WDR12: variants seen among roughly 807,000 people sequenced by gnomAD.
The protein encoded by WDR12 is ribosome biogenesis protein WDR12.
Under a neutral mutation model 64.3 loss-of-function variants are expected in WDR12, and 42 were observed. That is an observed-to-expected ratio of 0.65 (90% CI 0.51 to 0.84). WDR12 has a LOEUF of 0.84. WDR12 is among the 40% of genes least tolerant of loss of function. WDR12 has a pLI of 0.00. For missense variants in WDR12, 469 were observed against 494.6 expected (o/e 0.95, Z 0.49); for synonymous variants, 158 against 173.3 (o/e 0.91, Z 0.70).
At chr2:202,882,567 A>G in intron 12 of WDR12, 144 bp downstream of exon 12, 1 of 679,146 alleles carries the variant, frequency 1.5e-6, no homozygotes, top group Non-Finnish European at 2.5e-6. Flanking sequence ...TGACCTCGTG[A>G]TCTGCCCACC....
At chr2:202,910,172 C>G (rs1320821012) in intron 1 of WDR12, among the ~76,000 whole-genome samples, 1 of 152,136 alleles carries the variant, frequency 6.6e-6, no homozygotes, top group Non-Finnish European at 1.5e-5. Context: ...TGTATCCATT[C>G]ATTTCAGGGG....
In WDR12 at chr2:202,874,575, A is replaced by G. The variant is rs1248021610; in HGVS notation, c.*6285T>C. ...ACTAAAAATTATTCTACTGTTTTGT[A>G]CTGTTTTACTAAGGATTAGAGGTCT... On this transcript the variant is annotated 3_prime_UTR_variant, in exon 13 of 13. Transcript: ENST00000261015. 6.6e-6 allele frequency among the ~76,000 whole-genome samples: 1 copy of G among 152,222 alleles called. No homozygotes were observed. Among genetic ancestry groups the G allele is most frequent in the South Asian group, 2.1e-4 (1 of 4,828 alleles).
At chr2:202,898,945 A>T (rs1179932826) in intron 4 of WDR12, among the ~76,000 whole-genome samples, 4 of 125,028 alleles carry the variant, frequency 3.2e-5, no homozygotes, top group African/African-American at 7.2e-5. Flanking sequence ...GACCCCGTTT[A>T]AAAAAAAAAA....
chr2:202,908,014 T>C (rs753096032), intron 1 of WDR12, 55 bp from the exon 2 acceptor site: 3 of 1,492,938 alleles, frequency 2.0e-6, no homozygotes, highest in Admixed American at 1.7e-5. Flanking sequence ...TGAACAAACA[T>C]GCTTTTACGA....
At chr2:202,910,674 TGTAA>T (rs1217786561) in intron 1 of WDR12, among the ~76,000 whole-genome samples, 19 of 152,232 alleles carry the variant, frequency 1.2e-4, no homozygotes, top group African/African-American at 3.9e-4. Flanking sequence ...AGGCAATGTA[TGTAA>T]GTAAGTACAT....
rs761892296 is a variant in WDR12, at chr2:202,911,509, C to T, written c.-33G>A. The T allele has an allele frequency of 4.3e-6, 7 of 1,611,866 alleles. No individual in the cohort carries two copies. The African/African-American group carries it at 9.4e-5, about 22-fold the overall frequency. On this transcript the variant is annotated 5_prime_UTR_variant, in exon 1 of 13. Coordinates refer to ENST00000261015, the MANE Select transcript of WDR12 (RefSeq NM_018256.4). Reference sequence around the variant, plus strand: ...AGTACACACGACTTGCCCACGGAAACGTACGGGTTAGCAGACCCACAACAC... The same window carrying T: ...AGTACACACGACTTGCCCACGGAAATGTACGGGTTAGCAGACCCACAACAC...
chr2:202,899,887 A>G (rs958727745), intron 3 of WDR12, among the ~76,000 whole-genome samples: 20 of 152,208 alleles, frequency 1.3e-4, no homozygotes, highest in Middle Eastern at 3.2e-3. Context: ...AACATTAGGA[A>G]AGCTGGGGCA....
At chr2:202,902,232 C>G (rs1234545267) in intron 2 of WDR12, among the ~76,000 whole-genome samples, 1 of 152,148 alleles carries the variant, frequency 6.6e-6, no homozygotes, top group Admixed American at 6.6e-5. Context: ...AAAATACTTG[C>G]AAACCAAATT....
intron 5 of WDR12, among the ~76,000 whole-genome samples, chr2:202,896,879 C>T (rs1233144867): frequency 2.0e-5 from 3 of 151,908 alleles, no homozygotes; most frequent in Non-Finnish European, 2.9e-5. Context: ...CCCAGCTACT[C>T]GAGAGGCTGA....
intron 8 of WDR12, among the ~76,000 whole-genome samples, chr2:202,885,884 A>AC (rs1159149173): frequency 6.6e-6 from 1 of 151,966 alleles, no homozygotes; most frequent in African/African-American, 2.4e-5. Context: ...ACATAGTAAG[A>AC]CCCCGTCTCT....
At chr2:202,907,041 C>T (rs1045469843) in intron 2 of WDR12, among the ~76,000 whole-genome samples, 9 of 151,830 alleles carry the variant, frequency 5.9e-5, no homozygotes, top group South Asian at 2.1e-4. Flanking sequence ...CTCCGCCTCC[C>T]GGGTTCAAGC....
intron 8 of WDR12, among the ~76,000 whole-genome samples, chr2:202,891,793 T>C (rs753796335): frequency 1.1e-4 from 17 of 152,176 alleles, no homozygotes; most frequent in Non-Finnish European, 2.4e-4. Flanking sequence ...AAAAAGTATA[T>C]AAATACAGGT....
chr2:202,885,078 A>G (rs1210085495), intron 8 of WDR12, among the ~76,000 whole-genome samples: 1 of 152,234 alleles, frequency 6.6e-6, no homozygotes, highest in Non-Finnish European at 1.5e-5. Flanking sequence ...GCTCTTAGAA[A>G]CAGGATGTCC....
intron 8 of WDR12, among the ~76,000 whole-genome samples, chr2:202,887,614 C>T (rs977321633): frequency 3.3e-5 from 5 of 151,968 alleles, no homozygotes; most frequent in South Asian, 2.1e-4. Context: ...GTAGGCCGGG[C>T]GCGGTGGCTC....
intron 1 of WDR12, among the ~76,000 whole-genome samples, chr2:202,910,582 T>C (rs1411208247): frequency 6.6e-6 from 1 of 152,106 alleles, no homozygotes; most frequent in Non-Finnish European, 1.5e-5. Flanking sequence ...AATTTTATTT[T>C]AAGAAAAACA....
At chr2:202,898,430 C>A (rs1688291386) in intron 4 of WDR12, among the ~76,000 whole-genome samples, 1 of 152,198 alleles carries the variant, frequency 6.6e-6, no homozygotes, top group African/African-American at 2.4e-5. Context: ...TGATTACAGG[C>A]GTGAGCCACG....
Position 202,897,418 on chromosome 2 carries a change from A to G in WDR12, c.339-3T>C, listed in dbSNP as rs80128859. ...TATCATAAGAACCAGTCAAGATCCT[A>G]TGAGAAAAAAAAATCTTATGAAACA... On this transcript the variant is annotated splice_polypyrimidine_tract_variant and splice_region_variant and intron_variant, in intron 4 of 12. Transcript: ENST00000261015. 1.6e-3 allele frequency: 2,343 copies of G among 1,507,924 alleles called. 32 individuals carry two copies. The African/African-American group carries it at 0.03, about 19-fold the overall frequency. 93.4% of individuals were successfully genotyped at this position (1,507,924 alleles called of 1,614,324 possible).
Position 202,904,138 on chromosome 2 carries a change from C to CAAAAAAAAAAAAAAAAAAAAAAAAA in WDR12, c.137-3044_137-3020dup, listed in dbSNP as rs34378996. ...GGGCAACAAGAGTGAAACTCTGTCTCAAAAAAAAAAAAAAAAAAAAAAAAA... is the reference window on the plus strand; with the variant it reads ...GGGCAACAAGAGTGAAACTCTGTCTCAAAAAAAAAAAAAAAAAAAAAAAAAAAAAAAAAAAAAAAAAAAAAAAAAA... On this transcript the variant is annotated intron_variant, in intron 2 of 12. Transcript: ENST00000261015. Among the ~76,000 whole-genome samples the CAAAAAAAAAAAAAAAAAAAAAAAAA allele has an allele frequency of 4.4e-4, 17 of 38,528 alleles. 1 individual carries two copies. The highest frequency in any genetic ancestry group is 1.4e-3 in the East Asian group (2 of 1,440). The allele number at this position is 38,528 out of a possible 152,430, so 25.3% of individuals were successfully genotyped here. A position where few individuals can be genotyped will look rare whatever the true frequency, so the allele number is the denominator to read the frequency against.
At chr2:202,900,086 T>A (rs149016309) in intron 3 of WDR12, among the ~76,000 whole-genome samples, 13,549 of 152,106 alleles carry the variant, frequency 0.089, 741 homozygotes, top group Non-Finnish European at 0.12. Flanking sequence ...CCCCAGCACT[T>A]TGGGAGGCCG....
Sources: gnomAD v4.1 joint callset for allele counts (sites outside exome capture counted in the v4.1 genomes callset) on GRCh38, gnomAD v4.1.1 for gene constraint, MANE v1.5 for transcripts, NCBI Gene and HGNC (gene_info 2026-07-23, HGNC 2026-07-21) for gene names.